Variants in GIGYF2 observed in about 807,000 individuals in gnomAD.
GIGYF2 encodes the protein GRB10-interacting GYF protein 2.
GIGYF2 carries 25 observed loss-of-function variants against 208.1 expected under a neutral mutation model. The observed-to-expected ratio is 0.12, with a 90% CI of 0.09 to 0.17. GIGYF2 has a LOEUF of 0.17. Among genes scored for constraint, GIGYF2 ranks in the 10% least tolerant of loss-of-function variants. GIGYF2 has a pLI of 1.00. For missense variants in GIGYF2, 1,302 were observed against 1,579.4 expected, an observed-to-expected ratio of 0.82 and a Z score of 2.98; for synonymous variants, 534 against 543.8, an observed-to-expected ratio of 0.98 and a Z score of 0.25.
rs143607153 is a variant in GIGYF2, at chr2:232,768,552, A to T, written c.532+7116A>T. 3.6e-5 allele frequency: 58 copies of T among 1,614,060 alleles called. No individual in the cohort carries two copies. In the African/African-American group the frequency reaches 7.6e-4, roughly 21 times the overall value. ...TGGTGTAATGGAGTGATAGTACGTT[A>T]GTGGAAAGATGAAGAATGGACATTC... On this transcript the variant is annotated intron_variant, in intron 8 of 28. Transcript: ENST00000373563.
intron 8 of GIGYF2, chr2:232,768,234 C>CT (rs1401623074): frequency 6.2e-7 from 1 of 1,613,824 alleles, no homozygotes; most frequent in African/African-American, 1.3e-5. Context: ...ATTGTCAATG[C>CT]TTTGTCCATT....
Position 232,809,785 on chromosome 2 carries a change from C to T in GIGYF2, c.1872C>T (p.His624=), listed in dbSNP as rs145573686. The change falls in exon 16 of 29, where the codon CAC becomes CAT. Residue 624 remains histidine, a synonymous_variant. Coordinates refer to ENST00000373563, the MANE Select transcript of GIGYF2 (RefSeq NM_001103146.3). The stretch of plus-strand genomic sequence containing the variant: ...TCACAGCCTTATACCAGATGCAGCA[C>T]CTGCAGTACCAGCAGTTTTTAATAC... The part of the protein sequence containing the change: ...QELTALYQMQ[H]LQYQQFLIQQ... The T allele has an allele frequency of 5.0e-6, 8 of 1,603,096 alleles. No homozygotes were observed. Among genetic ancestry groups the T allele is most frequent in the Non-Finnish European group, 6.8e-6 (8 of 1,169,928 alleles).
intron 2 of GIGYF2, among the ~76,000 whole-genome samples, chr2:232,717,022 C>T (rs1266736205): frequency 6.6e-6 from 1 of 151,834 alleles, no homozygotes; most frequent in South Asian, 2.1e-4. Context: ...CCATGTTGCC[C>T]AGGCTGGTCT....
intron 8 of GIGYF2, among the ~76,000 whole-genome samples, chr2:232,773,838 G>A (rs780226200): frequency 1.3e-5 from 2 of 149,698 alleles, no homozygotes; most frequent in African/African-American, 4.9e-5. Context: ...TCGGGAGGCC[G>A]AGACAGGAGG....
At chr2:232,723,485 C>T (rs1261112051) in intron 2 of GIGYF2, among the ~76,000 whole-genome samples, 1 of 146,174 alleles carries the variant, frequency 6.8e-6, no homozygotes, top group African/African-American at 2.5e-5. Flanking sequence ...GGCTGGAGTG[C>T]AGTGGCACGA....
At chr2:232,846,212 C>T (rs535556859) in intron 26 of GIGYF2, among the ~76,000 whole-genome samples, 1 of 152,228 alleles carries the variant, frequency 6.6e-6, no homozygotes, top group Admixed American at 6.5e-5. Flanking sequence ...AAAAAAGTAA[C>T]TCTCATGCTG....
At chr2:232,743,378 G>T (rs192538329) in intron 3 of GIGYF2, among the ~76,000 whole-genome samples, 45 of 152,216 alleles carry the variant, frequency 3.0e-4, no homozygotes, top group Admixed American at 6.5e-4. Flanking sequence ...TAAATTTCTA[G>T]AAGAGAGGGT....
chr2:232,851,043 A>G (rs1295013683), intron 28 of GIGYF2, among the ~76,000 whole-genome samples: 1 of 152,070 alleles, frequency 6.6e-6, no homozygotes, highest in Admixed American at 6.6e-5. Flanking sequence ...AGCATTATGG[A>G]CCATGCAAGG....
At chr2:232,766,585 C>T (rs1267983202) in intron 8 of GIGYF2, 1 of 152,288 alleles carries the variant, frequency 6.6e-6, no homozygotes, top group Non-Finnish European at 1.5e-5. Flanking sequence ...ATCTGTTGGT[C>T]TGATTTCTAC....
In GIGYF2 at chr2:232,794,903, A is replaced by G. The variant is rs1343734916; in HGVS notation, c.1438A>G (p.Thr480Ala). The G allele has an allele frequency of 6.2e-7, 1 of 1,613,990 alleles. No individual in the cohort carries two copies. Among genetic ancestry groups the G allele is most frequent in the Admixed American group, 1.7e-5 (1 of 60,022 alleles). The change falls in exon 13 of 29, where the codon ACA (threonine) becomes GCA (alanine). Residue 480 changes from threonine (T) to alanine (A), a missense_variant. Coordinates refer to ENST00000373563, the MANE Select transcript of GIGYF2 (RefSeq NM_001103146.3). ...TGCTCCTGGTATGGGCAGTGTTTCC[A>G]CAGAACCTGATGATGAAGAAGGTCT... ...VGAPGMGSVS[T>A]EPDDEEGLKH...
chr2:232,714,680 T>C (rs1422083468), intron 2 of GIGYF2, among the ~76,000 whole-genome samples: 1 of 152,204 alleles, frequency 6.6e-6, no homozygotes, highest in Non-Finnish European at 1.5e-5. Flanking sequence ...CCCAGCTGTT[T>C]TGTAGTCATT....
intron 21 of GIGYF2, among the ~76,000 whole-genome samples, chr2:232,821,889 A>G (rs911364997): frequency 6.7e-6 from 1 of 150,010 alleles, no homozygotes; most frequent in Admixed American, 6.6e-5. Flanking sequence ...CAAAGTCTTT[A>G]CTTTTTCTAT....
rs115703609 is a variant in GIGYF2, at chr2:232,785,954, A to G, written c.533-1196A>G. On this transcript the variant is annotated intron_variant, in intron 8 of 28. Transcript: ENST00000373563. Reference sequence around the variant, plus strand: ...TAAACTGAGGACATCAATGTATGTTATTCTGGATTTTCAACTATTTTGATG... The same window carrying G: ...TAAACTGAGGACATCAATGTATGTTGTTCTGGATTTTCAACTATTTTGATG... Among the ~76,000 whole-genome samples the G allele has an allele frequency of 9.7e-3, 1,474 of 152,330 alleles. 27 individuals carry two copies. The highest frequency in any genetic ancestry group is 0.033 in the African/African-American group (1,373 of 41,564).
chr2:232,788,658 A>C (rs920848853), intron 9 of GIGYF2: 1 of 424,912 alleles, frequency 2.4e-6, no homozygotes, highest in Non-Finnish European at 5.0e-6. Context: ...TATTAAAGGG[A>C]GTTTAACAAA....
At chr2:232,730,820 C>T (rs1697448397) in intron 2 of GIGYF2, among the ~76,000 whole-genome samples, 1 of 141,120 alleles carries the variant, frequency 7.1e-6, no homozygotes, top group East Asian at 2.0e-4. Context: ...ATGGCGTGAA[C>T]CCGGGAGGCG....
chr2:232,736,054 T>C, intron 3 of GIGYF2: 1 of 975,846 alleles, frequency 1.0e-6, no homozygotes, highest in Non-Finnish European at 1.2e-6. Flanking sequence ...AGTAACTCTA[T>C]TTGAGGAGTC....
Position 232,856,778 on chromosome 2 carries a change from G to GTT in GIGYF2, c.3833-8_3833-7dup. The GTT allele has an allele frequency of 6.3e-7, 1 of 1,586,728 alleles. No homozygotes were observed. The highest frequency in any genetic ancestry group is 8.7e-7 in the Non-Finnish European group (1 of 1,155,340). ...GCCTGGGTGTGGTCACTCATAGCCA[G>GTT]TTTTTTTTCTGCAGGATTTTCAGTC... is the stretch of plus-strand genomic sequence containing the variant. On this transcript the variant is annotated splice_polypyrimidine_tract_variant and intron_variant, in intron 28 of 28. Coordinates refer to ENST00000373563, the MANE Select transcript of GIGYF2 (RefSeq NM_001103146.3).
chr2:232,784,288 A>T (rs1699823864), intron 8 of GIGYF2, among the ~76,000 whole-genome samples: 4 of 150,552 alleles, frequency 2.7e-5, no homozygotes, highest in Admixed American at 2.7e-4. Context: ...ACATAGCAAG[A>T]CCCCCATCTC....
intron 5 of GIGYF2, among the ~76,000 whole-genome samples, chr2:232,753,828 C>T: frequency 6.6e-6 from 1 of 152,056 alleles, no homozygotes; most frequent in Non-Finnish European, 1.5e-5. Flanking sequence ...ATTAGGTTGA[C>T]CATAGGACAT....
Sources: allele counts gnomAD v4.1 joint callset (sites outside exome capture counted in the v4.1 genomes callset), GRCh38; gene constraint gnomAD v4.1.1; transcripts MANE v1.5; gene names NCBI Gene and HGNC (gene_info 2026-07-23, HGNC 2026-07-21).